SACS: variants seen among roughly 807,000 people sequenced by gnomAD.
The protein encoded by SACS is sacsin.
A neutral mutation model predicts 348.0 loss-of-function variants in SACS; 197 were observed. The ratio of observed to expected loss-of-function variants is 0.57; its 90% CI spans 0.50 to 0.64. The LOEUF (loss-of-function observed/expected upper bound fraction) is 0.64, where lower values mean the gene tolerates loss of function less well. Ranked by LOEUF, SACS falls within the 30% of genes least tolerant of loss-of-function variation. The pLI, the probability that SACS is intolerant of heterozygous loss-of-function variation, is 0.00. For synonymous variants in SACS, 1,985 were observed against 1,910.6 expected (o/e 1.04, Z -1.02); for missense variants, 4,999 against 5,360.8 (o/e 0.93, Z 2.11).
chr13:23,405,985 C>A lies in SACS; in HGVS notation c.20+5235G>T, dbSNP rs370653414. Among the ~76,000 whole-genome samples, 14 of 152,132 alleles carry A rather than the reference C, an allele frequency of 9.2e-5. No individual in the cohort carries two copies. The East Asian group carries it at 1.7e-3, about 19-fold the overall frequency. Reference sequence around the variant, plus strand: ...CATTGTGGAAGACAGTGTGGCGATTCCTCACTGTCCAGAAATACCATTTGA... The same window carrying A: ...CATTGTGGAAGACAGTGTGGCGATTACTCACTGTCCAGAAATACCATTTGA... On this transcript the variant is annotated intron_variant, in intron 2 of 9. Coordinates refer to ENST00000382292, the MANE Select transcript of SACS (RefSeq NM_014363.6).
At chr13:23,385,009 C>T (rs900429853) in intron 2 of SACS, among the ~76,000 whole-genome samples, 6 of 152,074 alleles carry the variant, frequency 3.9e-5, no homozygotes, top group Non-Finnish European at 8.8e-5. Context: ...CGCCTGTAAT[C>T]CCAGGACTTT....
chr13:23,423,741 T>C (rs962406231), intron 1 of SACS, among the ~76,000 whole-genome samples: 8 of 149,970 alleles, frequency 5.3e-5, no homozygotes, highest in African/African-American at 1.7e-4. Context: ...ATTAGGCCTA[T>C]ATATAAACTA....
intron 6 of SACS, among the ~76,000 whole-genome samples, chr13:23,363,223 A>T (rs1870850719): frequency 6.9e-6 from 1 of 144,406 alleles, no homozygotes; most frequent in South Asian, 2.2e-4. Context: ...TTTATTTTTT[A>T]CTTACTTATA....
At chr13:23,424,023 G>T (rs886904444) in intron 1 of SACS, among the ~76,000 whole-genome samples, 1 of 152,072 alleles carries the variant, frequency 6.6e-6, no homozygotes, top group Non-Finnish European at 1.5e-5. Flanking sequence ...GTGTTTTTAT[G>T]AAACAAGTTT....
At chr13:23,408,629 T>C (rs1873336055) in intron 2 of SACS, among the ~76,000 whole-genome samples, 1 of 152,162 alleles carries the variant, frequency 6.6e-6, no homozygotes, top group African/African-American at 2.4e-5. Context: ...CACACAACTA[T>C]GGACACCAGA....
chr13:23,344,436 T>C (rs1463495165), intron 9 of SACS, among the ~76,000 whole-genome samples: 1 of 152,058 alleles, frequency 6.6e-6, no homozygotes, highest in East Asian at 1.9e-4. Flanking sequence ...ACATCGGTCA[T>C]GCTCAACGGA....
chr13:23,333,427 T>C lies in SACS; in HGVS notation c.10449A>G (p.Pro3483=). The C allele has an allele frequency of 1.2e-6, 2 of 1,610,344 alleles. No individual in the cohort carries two copies. The highest frequency in any genetic ancestry group is 1.7e-6 in the Non-Finnish European group (2 of 1,178,526). ...DLEVYLKHLL[P]KIENLSYDAK... ...CATCATAAGAGAGATTTTCAATTTT[T>C]GGTAAGAGGTGTTTCAAATATACCT... is the stretch of plus-strand genomic sequence containing the variant. The change falls in exon 10 of 10, where the codon CCA becomes CCG. Residue 3483 remains proline, a synonymous_variant. Coordinates refer to ENST00000382292, the MANE Select transcript of SACS (RefSeq NM_014363.6).
intron 1 of SACS, among the ~76,000 whole-genome samples, chr13:23,421,908 C>T (rs1873963085): frequency 6.6e-6 from 1 of 151,792 alleles, no homozygotes; most frequent in Non-Finnish European, 1.5e-5. Context: ...TAAGTGGGGC[C>T]TGGTGTTCAA....
chr13:23,396,706 T>C (rs1386194705), intron 2 of SACS, among the ~76,000 whole-genome samples: 1 of 152,198 alleles, frequency 6.6e-6, no homozygotes, highest in Non-Finnish European at 1.5e-5. Flanking sequence ...TGTTTTTCTT[T>C]AATTTTGTGA....
chr13:23,334,231 A>G lies in SACS; in HGVS notation c.9645T>C (p.Ala3215=), dbSNP rs758321810. The G allele has an allele frequency of 6.2e-7, 1 of 1,613,702 alleles. No individual in the cohort carries two copies. Among genetic ancestry groups the G allele is most frequent in the East Asian group, 2.2e-5 (1 of 44,872 alleles). ...VAKVFDISSF[A]DLLSSVLPRE... is the part of the protein sequence containing the mutation. ...GAGGCAACACAGAGGATAACAAATC[A>G]GCAAAGCTGGAAATGTCAAACACTT... is the stretch of plus-strand genomic sequence containing the variant. The change falls in exon 10 of 10, where the codon GCT becomes GCC. Residue 3215 remains alanine (A), a synonymous_variant. Coordinates refer to ENST00000382292, the MANE Select transcript of SACS (RefSeq NM_014363.6).
At chr13:23,405,810 G>C (rs1873179696) in intron 2 of SACS, among the ~76,000 whole-genome samples, 1 of 152,152 alleles carries the variant, frequency 6.6e-6, no homozygotes, top group Admixed American at 6.5e-5. Context: ...CTAGCCATTA[G>C]AGAAATGCAA....
At chr13:23,385,675 A>G (rs954662592) in intron 2 of SACS, among the ~76,000 whole-genome samples, 11 of 152,152 alleles carry the variant, frequency 7.2e-5, no homozygotes, top group African/African-American at 2.7e-4. Flanking sequence ...GATGTTCTTA[A>G]TGGAATCTAG....
chr13:23,383,653 A>G (rs1212802197), intron 2 of SACS, among the ~76,000 whole-genome samples: 1 of 151,980 alleles, frequency 6.6e-6, no homozygotes, highest in Non-Finnish European at 1.5e-5. Flanking sequence ...TGATAGCCCC[A>G]TTCAAATGTC....
At chr13:23,378,092 A>G (rs1223863388) in intron 2 of SACS, among the ~76,000 whole-genome samples, 1 of 152,190 alleles carries the variant, frequency 6.6e-6, no homozygotes, top group East Asian at 1.9e-4. Context: ...TTCTCCTTCC[A>G]AAGAGGGCAT....
chr13:23,377,582 C>A (rs977211356), intron 2 of SACS, among the ~76,000 whole-genome samples: 3 of 152,166 alleles, frequency 2.0e-5, no homozygotes, highest in African/African-American at 7.2e-5. Context: ...ACTTTCCTAC[C>A]CACCACATTT....
chr13:23,423,484 A>G (rs1874040161), intron 1 of SACS, among the ~76,000 whole-genome samples: 1 of 152,230 alleles, frequency 6.6e-6, no homozygotes, highest in African/African-American at 2.4e-5. Flanking sequence ...TATATCACTG[A>G]ATGGAACAAG....
chr13:23,341,780 C>CTTTTTTTTTT lies in SACS; in HGVS notation c.2186-100_2186-91dup, dbSNP rs4068499. 4.4e-5 allele frequency: 10 copies of CTTTTTTTTTT among 227,956 alleles called. No individual in the cohort carries two copies. The African/African-American group carries it at 4.5e-4, about 10-fold the overall frequency. The allele number at this position is 227,956 out of a possible 1,614,324, so 14.1% of individuals were successfully genotyped here. A position where few individuals can be genotyped will look rare whatever the true frequency, so the allele number is the denominator to read the frequency against. The stretch of plus-strand genomic sequence containing the variant: ...ACAAATAACACAGTACTGGAAGGTT[C>CTTTTTTTTTT]TTTTTTTTTTTTTTTTTTTTTTTTT... On this transcript the variant is annotated intron_variant, in intron 9 of 9. Coordinates refer to ENST00000382292, the MANE Select transcript of SACS (RefSeq NM_014363.6).
Position 23,425,712 on chromosome 13 carries a change from T to C in SACS, c.-502+7903A>G, listed in dbSNP as rs1771402348. 1.3e-5 allele frequency among the ~76,000 whole-genome samples: 2 copies of C among 152,062 alleles called. 1 individual carries two copies. The highest frequency in any genetic ancestry group is 4.2e-4 in the South Asian group (2 of 4,816). On this transcript the variant is annotated intron_variant, in intron 1 of 9. Transcript: ENST00000382292. Reference sequence around the variant, plus strand: ...TTTGCCCACTTGGTGCCCAGTTAAGTTGCCCCGACTGCTCTGCTCAGGGTG... The same window carrying C: ...TTTGCCCACTTGGTGCCCAGTTAAGCTGCCCCGACTGCTCTGCTCAGGGTG...
intron 6 of SACS, 116 bp downstream of exon 6, chr13:23,365,050 A>G (rs763764674): frequency 2.0e-5 from 14 of 709,060 alleles, no homozygotes; most frequent in Admixed American, 5.3e-5. Flanking sequence ...AGAAGTGGAC[A>G]TAAACATGCC....
Sources: allele counts gnomAD v4.1 joint callset (sites outside exome capture counted in the v4.1 genomes callset), GRCh38; gene constraint gnomAD v4.1.1; transcripts MANE v1.5; gene names NCBI Gene and HGNC (gene_info 2026-07-23, HGNC 2026-07-21).